GRIN1: variants seen among roughly 807,000 people sequenced by gnomAD.
The protein encoded by GRIN1 is glutamate ionotropic receptor NMDA type subunit 1, also known as glutamate receptor ionotropic, NMDA 1.
In GRIN1, 38 loss-of-function variants were observed where a neutral mutation model predicts 103.0. The observed-to-expected ratio is 0.37, with a 90% confidence interval of 0.28 to 0.48. GRIN1 has a LOEUF of 0.48. GRIN1 is among the 20% of genes least tolerant of loss of function. GRIN1 has a pLI of 0.98. For missense variants in GRIN1, 577 were observed against 1,288.9 expected (o/e 0.45, Z 8.46); for synonymous variants, 544 against 532.7 (o/e 1.02, Z -0.29).
Position 137,167,707 on chromosome 9 carries a change from C to T in GRIN1, c.*180C>T. ...TGGCCGGCTGGCCGGTCCACCCCGTCCCGGCCCCGCGCGTGCCCCCAGCGT... is the reference window on the plus strand; with the variant it reads ...TGGCCGGCTGGCCGGTCCACCCCGTTCCGGCCCCGCGCGTGCCCCCAGCGT... On this transcript the variant is annotated 3_prime_UTR_variant, in exon 20 of 20. Transcript: ENST00000371561. 3.7e-6 allele frequency: 6 copies of T among 1,604,778 alleles called. No homozygotes were observed. Among genetic ancestry groups the T allele is most frequent in the Non-Finnish European group, 5.1e-6 (6 of 1,175,784 alleles).
Position 137,162,871 on chromosome 9 carries a change from T to C in GRIN1, c.2039T>C (p.Ile680Thr). The change falls in exon 15 of 20, where the codon ATC becomes ACC. Residue 680 changes from isoleucine to threonine, a missense_variant. Physicochemically the swap from Ile to Thr is moderately conservative, Grantham distance 89. Transcript: ENST00000371561. The stretch of plus-strand genomic sequence containing the variant: ...CTGAGGAACCCCTCGGACAAGTTTA[T>C]CTACGCCACGGTGAAGCAGAGCTCC... ...PRLRNPSDKF[I>T]YATVKQSSVD... 1 of 1,612,262 alleles carries C rather than the reference T, an allele frequency of 6.2e-7. No homozygotes were observed. The highest frequency in any genetic ancestry group is 8.5e-7 in the Non-Finnish European group (1 of 1,179,690).
chr9:137,154,773 G>T lies in GRIN1; in HGVS notation c.672-1896G>T, dbSNP rs75564244. Among the ~76,000 whole-genome samples the T allele has an allele frequency of 1.4e-3, 218 of 152,252 alleles. 1 individual carries two copies. The highest frequency in any genetic ancestry group is 4.9e-3 in the African/African-American group (205 of 41,536). On this transcript the variant is annotated intron_variant, in intron 4 of 19. Transcript: ENST00000371561. ...GGCCTCAAAATACTTCAGAGCAATG[G>T]CTCTGGACTGTCAGGGCTGGAAAGG...
intron 4 of GRIN1, among the ~76,000 whole-genome samples, chr9:137,155,216 C>T (rs1041200846): frequency 6.6e-5 from 10 of 152,192 alleles, no homozygotes; most frequent in Non-Finnish European, 1.2e-4. Flanking sequence ...ACCTGAATTG[C>T]GTCAAGAAGA....
intron 19 of GRIN1, 153 bp downstream of exon 19, chr9:137,165,449 G>A: frequency 1.5e-6 from 1 of 685,846 alleles, no homozygotes; most frequent in Non-Finnish European, 2.7e-6. Context: ...GCCCGCCCAT[G>A]CTGCTCTCTC....
chr9:137,151,079 A>G (rs1165383988), intron 4 of GRIN1, among the ~76,000 whole-genome samples: 1 of 108,350 alleles, frequency 9.2e-6, no homozygotes, highest in Non-Finnish European at 1.9e-5. Context: ...CCCCGCCCAG[A>G]AAAAAAACCC....
At chr9:137,164,931 G>A (rs1440313265) in intron 18 of GRIN1, 9 of 497,030 alleles carry the variant, frequency 1.8e-5, no homozygotes, top group East Asian at 3.7e-5. Context: ...GGAGCCAGGC[G>A]GACCTCCCAG....
chr9:137,162,113 T>TG, intron 11 of GRIN1, 25 bp downstream of exon 11: 18 of 301,058 alleles, frequency 6.0e-5, no homozygotes, highest in Non-Finnish European at 1.1e-4. Flanking sequence ...GGTGGCGGGG[T>TG]GGCGGCGGGG....
rs1834007557 is a variant in GRIN1 at position 137,168,693 on chromosome 9, C to T, written c.*1166C>T. 3.9e-6 allele frequency: 2 copies of T among 516,932 alleles called. No individual in the cohort carries two copies. The highest frequency in any genetic ancestry group is 5.8e-6 in the Non-Finnish European group (2 of 347,628). 32.0% of individuals were successfully genotyped at this position (516,932 alleles called of 1,614,324 possible). A position where few individuals can be genotyped will look rare whatever the true frequency, so the allele number is the denominator to read the frequency against. The stretch of plus-strand genomic sequence containing the variant: ...TGCCCCTCCGTCCCCAGGGTGCAGG[C>T]GCGCACCGCCCAACCCCCACCTCCC... On this transcript the variant is annotated 3_prime_UTR_variant, in exon 20 of 20. Transcript: ENST00000371561.
intron 19 of GRIN1, chr9:137,165,572 C>T (rs1283021322): frequency 1.9e-6 from 1 of 518,648 alleles, no homozygotes; most frequent in East Asian, 3.4e-5. Flanking sequence ...ATCTTGAAGC[C>T]TGTCATCTCG....
At position 137,167,518 on chromosome 9, in the gene GRIN1, G is replaced by T; in HGVS notation, c.2808G>T (p.Arg936Ser). Residue 936 changes from arginine to serine, a missense_variant, in exon 20 of 20, where the codon AGG (arginine) becomes AGT (serine). By Grantham distance (110) the Arg-to-Ser change is moderately radical (BLOSUM62 -1). Coordinates refer to ENST00000371561, the MANE Select transcript of GRIN1 (RefSeq NM_007327.4). ...EGQLQLCSRH[R>S]ES ...AGCTGCAGCTGTGTTCCCGTCATAG[G>T]GAGAGCTGAGACTCCCCGCCCGCCC... 1 of 1,553,440 alleles carries T rather than the reference G, an allele frequency of 6.4e-7. No individual in the cohort carries two copies. Among genetic ancestry groups the T allele is most frequent in the East Asian group, 2.4e-5 (1 of 42,120 alleles).
In GRIN1 at chr9:137,146,323, T is replaced by C. The variant is rs1588695920; in HGVS notation, c.570+421T>C. Among the ~76,000 whole-genome samples the C allele has an allele frequency of 2.5e-5, 3 of 118,736 alleles. No homozygotes were observed. The Admixed American group carries it at 2.8e-4, about 11-fold the overall frequency. 77.9% of individuals were successfully genotyped at this position (118,736 alleles called of 152,430 possible). ...GTACACGACCCCCACATACCGCCCC[T>C]GCAGGCCTGTCCCCTCCTGGCTGGG... On this transcript the variant is annotated intron_variant, in intron 3 of 19. Transcript: ENST00000371561. The surrounding 1 kb of genome is among the most constrained non-coding windows in gnomAD (Gnocchi z 6.7).
Position 137,142,070 on chromosome 9 carries a change from CCT to C in GRIN1, c.317_318del (p.Pro106ArgfsTer47), listed in dbSNP as rs1832204371. ...CCCCAACGACCACTTCACTCCCACC[CCT>C]GTCTCCTACACAGCCGGCTTCTACC... ...PTPNDHFTPTPVSYTAGFYRI... is the reference protein window; with the variant it reads ...PTPNDHFTPTXVSYTAGFYRI... On this transcript the variant is annotated frameshift_variant, in exon 2 of 20. Transcript: ENST00000371561. LOFTEE classifies it high-confidence loss of function. 2.5e-6 allele frequency: 4 copies of C among 1,614,076 alleles called. No individual in the cohort carries two copies. Among genetic ancestry groups the C allele is most frequent in the Non-Finnish European group, 3.4e-6 (4 of 1,179,992 alleles).
chr9:137,149,062 G>A lies in GRIN1; in HGVS notation c.624G>A (p.Leu208=). The A allele has an allele frequency of 6.2e-7, 1 of 1,613,670 alleles. No homozygotes were observed. Among genetic ancestry groups the A allele is most frequent in the Non-Finnish European group, 8.5e-7 (1 of 1,179,754 alleles). The change falls in exon 4 of 20, where the codon CTG becomes CTA. Residue 208 remains leucine, a synonymous_variant. Transcript: ENST00000371561. ...DPGTKNVTAL[L]MEAKELEARV... Reference sequence around the variant, plus strand: ...GGACCAAGAACGTGACGGCCCTGCTGATGGAGGCGAAAGAGCTGGAGGCCC... The same window carrying A: ...GGACCAAGAACGTGACGGCCCTGCTAATGGAGGCGAAAGAGCTGGAGGCCC...
intron 17 of GRIN1, 43 bp from the exon 18 acceptor site, chr9:137,163,716 G>T: frequency 6.2e-7 from 1 of 1,613,574 alleles, no homozygotes; most frequent in Non-Finnish European, 8.5e-7. Flanking sequence ...GTGGGCTGCG[G>T]CCTCCCTGGC....
intron 8 of GRIN1, among the ~76,000 whole-genome samples, chr9:137,160,210 G>A (rs1489902742): frequency 6.6e-6 from 1 of 152,236 alleles, no homozygotes; most frequent in East Asian, 1.9e-4. Context: ...AGGGCTTCGG[G>A]ACTGGGGGCC....
intron 2 of GRIN1, among the ~76,000 whole-genome samples, chr9:137,143,983 GCTCTCGCCTGGGGAGATGAGGC>G (rs1289749641): frequency 2.6e-5 from 4 of 152,250 alleles, no homozygotes; most frequent in Non-Finnish European, 5.9e-5. Flanking sequence ...CAAGCACCAC[GCTCTCGCCTGGGGAGATGAGGC>G]CTTTAGCCCC....
In GRIN1 at chr9:137,167,427, G is replaced by A. The variant is rs868572056; in HGVS notation, c.2717G>A (p.Arg906His). ...SSKDTSTGGG[R>H]GALQNQKDTV... ...TATTTATAGAGCACCGGGGGTGGAC[G>A]CGGCGCTTTGCAAAACCAAAAAGAC... The change falls in exon 20 of 20, where the codon CGC (arginine) becomes CAC (histidine). Residue 906 changes from arginine to histidine, a missense_variant. Coordinates refer to ENST00000371561, the MANE Select transcript of GRIN1 (RefSeq NM_007327.4). 6.4e-7 allele frequency: 1 copy of A among 1,558,914 alleles called. No individual in the cohort carries two copies. Among genetic ancestry groups the A allele is most frequent in the Non-Finnish European group, 8.7e-7 (1 of 1,151,394 alleles).
At chr9:137,145,346 G>A (rs566850133) in intron 2 of GRIN1, among the ~76,000 whole-genome samples, 2 of 127,648 alleles carry the variant, frequency 1.6e-5, no homozygotes, top group African/African-American at 6.4e-5. Context: ...CCAGGGTCCA[G>A]AAAGTGTCCC....
intron 18 of GRIN1, 76 bp from the exon 19 acceptor site, chr9:137,165,110 G>C: frequency 9.6e-7 from 1 of 1,043,814 alleles, no homozygotes; most frequent in Non-Finnish European, 1.5e-6. Context: ...GCTGGGCAGC[G>C]GCCCATGCAG....
Sources: gnomAD v4.1 joint callset for allele counts (sites outside exome capture counted in the v4.1 genomes callset) on GRCh38, gnomAD v4.1.1 for gene constraint, Gnocchi (gnomAD v3.1) non-coding constraint, MANE v1.5 for transcripts, NCBI Gene and HGNC (gene_info 2026-07-23, HGNC 2026-07-21) for gene names.